BACH2: variants seen among roughly 807,000 people sequenced by gnomAD.
BACH2 encodes the protein BACH transcriptional regulator 2, also known as transcription regulator protein BACH2.
In BACH2, 5 loss-of-function variants were observed where a neutral mutation model predicts 61.8. That is an observed-to-expected ratio of 0.08 (90% confidence interval 0.04 to 0.17). The LOEUF (loss-of-function observed/expected upper bound fraction) is 0.17, where lower values mean the gene tolerates loss of function less well. BACH2 is among the 10% of genes least tolerant of loss of function. The pLI, the probability that BACH2 is intolerant of heterozygous loss-of-function variation, is 1.00. For synonymous variants in BACH2, 446 were observed against 440.1 expected (o/e 1.01, Z -0.17); for missense variants, 824 against 1,091.1 (o/e 0.76, Z 3.45).
chr6:90,244,976 C>G (rs1770584088), intron 3 of BACH2, among the ~76,000 whole-genome samples: 1 of 152,018 alleles, frequency 6.6e-6, no homozygotes, highest in South Asian at 2.1e-4. Context: ...GGCAGATCAC[C>G]TGAGGTCAGG....
Position 90,061,053 on chromosome 6 carries a change from G to C in BACH2, c.-13+27908C>G, listed in dbSNP as rs1029573197. On this transcript the variant is annotated intron_variant, in intron 5 of 8. Transcript: ENST00000257749. ...AAAGTCTGTTATACTGGCAGAAGAA[G>C]AGGTCCTCTTTAAAAGTTTTTAGAA... is the stretch of plus-strand genomic sequence containing the variant. 2.6e-5 allele frequency among the ~76,000 whole-genome samples: 4 copies of C among 152,164 alleles called. No homozygotes were observed. The East Asian group carries it at 5.8e-4, about 22-fold the overall frequency.
chr6:90,266,933 C>A (rs1305170077), intron 2 of BACH2, among the ~76,000 whole-genome samples: 1 of 152,140 alleles, frequency 6.6e-6, no homozygotes, highest in Non-Finnish European at 1.5e-5. Context: ...TAAAAGTACA[C>A]ATGGCAACGC....
intron 1 of BACH2, among the ~76,000 whole-genome samples, chr6:90,295,580 A>T (rs1772320568): frequency 6.6e-6 from 1 of 151,788 alleles, no homozygotes; most frequent in African/African-American, 2.4e-5. Context: ...CGACGCGGGG[A>T]CGGGGAGGGC....
intron 6 of BACH2, among the ~76,000 whole-genome samples, chr6:89,995,761 T>C (rs943898107): frequency 2.0e-5 from 3 of 152,156 alleles, no homozygotes; most frequent in Admixed American, 6.5e-5. Context: ...CTTTAGAAAT[T>C]TAGCATCCCC....
At chr6:90,018,370 C>T (rs1214319462) in intron 5 of BACH2, among the ~76,000 whole-genome samples, 4 of 152,190 alleles carry the variant, frequency 2.6e-5, no homozygotes, top group Admixed American at 6.5e-5. Flanking sequence ...GCCAGCTCTT[C>T]CTTGGTTCTT....
intron 4 of BACH2, among the ~76,000 whole-genome samples, chr6:90,104,715 T>C (rs207257): frequency 0.059 from 9,014 of 151,974 alleles, 330 homozygotes; most frequent in Admixed American, 0.097. Context: ...ACCTGAAGGG[T>C]GAGAGAATGG....
chr6:90,186,942 A>G (rs1210354399), intron 4 of BACH2, among the ~76,000 whole-genome samples: 1 of 152,218 alleles, frequency 6.6e-6, no homozygotes, highest in Non-Finnish European at 1.5e-5. Context: ...GGACTTGTTC[A>G]CTTCAGAGGG....
chr6:90,184,780 T>C (rs1310050673), intron 4 of BACH2, among the ~76,000 whole-genome samples: 2 of 152,158 alleles, frequency 1.3e-5, no homozygotes, highest in African/African-American at 2.4e-5. Context: ...CACCTTAAGG[T>C]TGAAGGAGGA....
intron 4 of BACH2, among the ~76,000 whole-genome samples, chr6:90,150,295 T>A (rs1784769904): frequency 6.6e-6 from 1 of 152,186 alleles, no homozygotes; most frequent in South Asian, 2.1e-4. Context: ...CCCTTCTACA[T>A]CATCAGCAAG....
chr6:89,993,453 A>G (rs140534135), intron 6 of BACH2, among the ~76,000 whole-genome samples: 1 of 152,320 alleles, frequency 6.6e-6, no homozygotes, highest in East Asian at 1.9e-4. Context: ...AAGATAAAAG[A>G]TATTTCTGGA....
chr6:90,029,277 G>A (rs1014097531), intron 5 of BACH2, among the ~76,000 whole-genome samples: 1 of 152,130 alleles, frequency 6.6e-6, no homozygotes, highest in Non-Finnish European at 1.5e-5. Flanking sequence ...CCAAGAACGA[G>A]GGGACTTGGG....
intron 1 of BACH2, among the ~76,000 whole-genome samples, chr6:90,295,214 G>A (rs1484505655): frequency 6.6e-6 from 1 of 152,070 alleles, no homozygotes; most frequent in East Asian, 1.9e-4. Context: ...TGCGAGGCGC[G>A]CCTCATCGGG....
chr6:90,205,926 G>A (rs182037096), intron 4 of BACH2, among the ~76,000 whole-genome samples: 4 of 152,186 alleles, frequency 2.6e-5, no homozygotes, highest in African/African-American at 9.6e-5. Flanking sequence ...TTCCCATAGG[G>A]CCCATCTGGT....
chr6:90,092,716 CA>C (rs1205616864), intron 4 of BACH2, among the ~76,000 whole-genome samples: 5 of 151,994 alleles, frequency 3.3e-5, no homozygotes. Context: ...GAAGATGTAA[CA>C]AAAAAAGTAC....
chr6:90,286,508 C>A (rs1772021716), intron 1 of BACH2, among the ~76,000 whole-genome samples: 1 of 152,126 alleles, frequency 6.6e-6, no homozygotes, highest in Non-Finnish European at 1.5e-5. Flanking sequence ...GTGAAAATGT[C>A]TTGAACTTAA....
chr6:90,084,092 G>A (rs1781829403), intron 5 of BACH2, among the ~76,000 whole-genome samples: 1 of 151,784 alleles, frequency 6.6e-6, no homozygotes, highest in South Asian at 2.1e-4. Context: ...GGTAGGGTGG[G>A]GTGTGTGGGA....
At chr6:90,220,066 T>C (rs1010916195) in intron 3 of BACH2, among the ~76,000 whole-genome samples, 1 of 152,180 alleles carries the variant, frequency 6.6e-6, no homozygotes, top group Admixed American at 6.5e-5. Flanking sequence ...GCAAAACTTA[T>C]GCTTATTTAC....
At chr6:90,081,206 T>G (rs1012157357) in intron 5 of BACH2, among the ~76,000 whole-genome samples, 1 of 152,166 alleles carries the variant, frequency 6.6e-6, no homozygotes. Flanking sequence ...GTTCATCTAA[T>G]GGGAAATTCA....
chr6:89,972,113 C>T (rs1373467577), intron 6 of BACH2, among the ~76,000 whole-genome samples: 1 of 152,172 alleles, frequency 6.6e-6, no homozygotes, highest in Non-Finnish European at 1.5e-5. Context: ...GCAGGAGCAG[C>T]AGCTGGGGCA....
Sources: allele counts gnomAD v4.1 joint callset (sites outside exome capture counted in the v4.1 genomes callset), GRCh38; gene constraint gnomAD v4.1.1; transcripts MANE v1.5; gene names NCBI Gene and HGNC (gene_info 2026-07-23, HGNC 2026-07-21).